Variants in HS6ST1 observed in about 807,000 individuals in gnomAD.
HS6ST1 encodes the protein heparan-sulfate 6-O-sulfotransferase 1.
HS6ST1 carries 3 observed loss-of-function variants against 25.2 expected under a neutral mutation model. The ratio of observed to expected loss-of-function variants is 0.12; its 90% CI spans 0.05 to 0.31. The LOEUF (loss-of-function observed/expected upper bound fraction) is 0.31, where lower values mean the gene tolerates loss of function less well. Ranked by LOEUF, HS6ST1 falls within the 10% of genes least tolerant of loss-of-function variation. HS6ST1 has a pLI of 1.00. For missense variants in HS6ST1, 310 were observed against 609.6 expected (o/e 0.51, Z 5.18); for synonymous variants, 204 against 275.1 (o/e 0.74, Z 2.56).
intron 1 of HS6ST1, among the ~76,000 whole-genome samples, chr2:128,294,669 GGCGTGTGTGTGTGTGT>G (rs1235589785): frequency 1.4e-3 from 177 of 127,112 alleles, no homozygotes; most frequent in African/African-American, 5.5e-3. Context: ...AAAGAAGGGA[GGCGTGTGTGTGTGTGT>G]GTGTGTGTGT....
chr2:128,280,758 TGAC>T (rs1221439591), intron 1 of HS6ST1, among the ~76,000 whole-genome samples: 1 of 152,058 alleles, frequency 6.6e-6, no homozygotes, highest in East Asian at 1.9e-4. Context: ...AGGGGCCCCA[TGAC>T]ATCAGTGGTC....
rs114377643 is a variant in HS6ST1, at chr2:128,313,894, T to A, written c.527+4143A>T. On this transcript the variant is annotated intron_variant, in intron 1 of 1. Transcript: ENST00000259241. ...CAAGCTAGAGGACCATCTAAAACGA[T>A]CCTGTCACCCAACCATTCGTAAGTT... Among the ~76,000 whole-genome samples, 646 of 149,736 alleles carry A rather than the reference T, an allele frequency of 4.3e-3. 5 individuals carry two copies. The highest frequency in any genetic ancestry group is 0.015 in the African/African-American group (611 of 40,316).
At chr2:128,282,999 T>C (rs1293534766) in intron 1 of HS6ST1, among the ~76,000 whole-genome samples, 1 of 152,156 alleles carries the variant, frequency 6.6e-6, no homozygotes, top group African/African-American at 2.4e-5. Context: ...GGGGCTGTCA[T>C]CTCCACTTTG....
chr2:128,272,979 A>G (rs1239055188), intron 1 of HS6ST1, among the ~76,000 whole-genome samples: 2 of 152,150 alleles, frequency 1.3e-5, no homozygotes, highest in African/African-American at 4.8e-5. Context: ...AGCCAGCGAA[A>G]GCCCTCATGG....
chr2:128,282,230 A>C (rs1404563929), intron 1 of HS6ST1, among the ~76,000 whole-genome samples: 1 of 152,258 alleles, frequency 6.6e-6, no homozygotes, highest in Admixed American at 6.5e-5. Context: ...AGTGGTCTGC[A>C]TAAAGAAAAA....
Position 128,318,046 on chromosome 2 carries a change from C to G in HS6ST1, c.518G>C (p.Arg173Pro), listed in dbSNP as rs751946612. Residue 173 changes from arginine (R) to proline (P), a missense_variant, in exon 1 of 2, where the codon CGC (arginine) becomes CCC (proline). Physicochemically the swap from Arg to Pro is moderately radical, Grantham distance 103. Transcript: ENST00000259241. The surrounding 1 kb of genome is among the most constrained non-coding windows in gnomAD (Gnocchi z 5.7). The part of the protein sequence containing the change: ...VLDRRDSAAL[R>P]TPRKFYYITL... Reference sequence around the variant, plus strand: ...CCGCCCGGGCGCTCACCTGGGCGTGCGCAGCGCGGCGGAGTCGCGGCGGTC... The same window carrying G: ...CCGCCCGGGCGCTCACCTGGGCGTGGGCAGCGCGGCGGAGTCGCGGCGGTC... 1 of 1,513,362 alleles carries G rather than the reference C, an allele frequency of 6.6e-7. No homozygotes were observed. The highest frequency in any genetic ancestry group is 1.4e-5 in the African/African-American group (1 of 70,062). The allele number at this position is 1,513,362 out of a possible 1,614,324, so 93.7% of individuals were successfully genotyped here. A position where few individuals can be genotyped will look rare whatever the true frequency, so the allele number is the denominator to read the frequency against.
intron 1 of HS6ST1, chr2:128,290,158 T>C (rs1282562030): frequency 6.6e-6 from 1 of 151,922 alleles, no homozygotes; most frequent in Non-Finnish European, 1.5e-5. Flanking sequence ...CGGTGAAAGG[T>C]ATGAGGTTCA....
chr2:128,309,022 T>C (rs1284275047), intron 1 of HS6ST1, among the ~76,000 whole-genome samples: 1 of 152,206 alleles, frequency 6.6e-6, no homozygotes, highest in Admixed American at 6.5e-5. Flanking sequence ...ATTTTACAGA[T>C]GGGGAACCTG....
At chr2:128,313,612 C>T (rs1336186181) in intron 1 of HS6ST1, among the ~76,000 whole-genome samples, 7 of 152,298 alleles carry the variant, frequency 4.6e-5, no homozygotes, top group African/African-American at 1.7e-4. Context: ...GACCAGGCCC[C>T]TTCTCCTCCT....
In HS6ST1 at chr2:128,268,723, G is replaced by A. The variant is rs199688175; in HGVS notation, c.675C>T (p.Tyr225=). Residue 225 remains tyrosine, a synonymous_variant, in exon 2 of 2, where the codon TAC becomes TAT. Coordinates refer to ENST00000259241, the MANE Select transcript of HS6ST1 (RefSeq NM_004807.3). ...TGCAGCCCGACCAGTCCGTGCCCTCGTAGCAGGGCGGCAGCTCCTCAGGCG... is the reference window on the plus strand; with the variant it reads ...TGCAGCCCGACCAGTCCGTGCCCTCATAGCAGGGCGGCAGCTCCTCAGGCG... ...TPTPEELPPC[Y]EGTDWSGCTL... is the part of the protein sequence containing the mutation. 3.0e-4 allele frequency: 479 copies of A among 1,612,496 alleles called. 4 individuals are homozygous for A. The East Asian group carries it at 5.1e-3, about 17-fold the overall frequency.
rs375780378 is a variant in HS6ST1, at chr2:128,266,049, G to A, written c.*2113C>T. 13 of 151,630 alleles carry A rather than the reference G, an allele frequency of 8.6e-5. No individual in the cohort carries two copies. The highest frequency in any genetic ancestry group is 3.4e-3 in the Middle Eastern group (1 of 294). The allele number at this position is 151,630 out of a possible 1,614,324, so 9.4% of individuals were successfully genotyped here. A position where few individuals can be genotyped will look rare whatever the true frequency, so the allele number is the denominator to read the frequency against. ...AGACTGAGACAAGACCCGTGCTTCCGTGTGAGTTGGGATGCGGGGCATAAG... is the reference window on the plus strand; with the variant it reads ...AGACTGAGACAAGACCCGTGCTTCCATGTGAGTTGGGATGCGGGGCATAAG... On this transcript the variant is annotated 3_prime_UTR_variant, in exon 2 of 2. Coordinates refer to ENST00000259241, the MANE Select transcript of HS6ST1 (RefSeq NM_004807.3).
intron 1 of HS6ST1, among the ~76,000 whole-genome samples, chr2:128,282,076 G>A (rs751054327): frequency 2.0e-5 from 3 of 152,228 alleles, no homozygotes; most frequent in Admixed American, 6.5e-5. Flanking sequence ...GTCCCCAGAG[G>A]CTAGGCAGAT....
chr2:128,295,536 T>G (rs1029304177), intron 1 of HS6ST1, among the ~76,000 whole-genome samples: 4 of 152,256 alleles, frequency 2.6e-5, no homozygotes, highest in African/African-American at 9.6e-5. Context: ...GAGGTCAGTA[T>G]TATCCTGATA....
At chr2:128,290,495 A>G (rs1185920706) in intron 1 of HS6ST1, among the ~76,000 whole-genome samples, 1 of 152,216 alleles carries the variant, frequency 6.6e-6, no homozygotes. Context: ...CCAATTGAGC[A>G]TATAAAAGAT....
chr2:128,309,179 G>A (rs1035144021), intron 1 of HS6ST1, among the ~76,000 whole-genome samples: 11 of 152,234 alleles, frequency 7.2e-5, no homozygotes, highest in Admixed American at 7.2e-4. Context: ...AGCCTCACCT[G>A]CCCTCCTTGT....
chr2:128,272,989 G>A (rs939659182), intron 1 of HS6ST1, among the ~76,000 whole-genome samples: 4 of 152,168 alleles, frequency 2.6e-5, no homozygotes, highest in African/African-American at 7.2e-5. Context: ...AGCCCTCATG[G>A]TCCCTGGAAT....
chr2:128,302,647 C>T (rs972427896), intron 1 of HS6ST1, among the ~76,000 whole-genome samples: 2 of 152,192 alleles, frequency 1.3e-5, no homozygotes, highest in Non-Finnish European at 2.9e-5. Flanking sequence ...CCCCTCCCCT[C>T]ACTCCCTCAA....
chr2:128,302,254 G>C (rs1694142716), intron 1 of HS6ST1, among the ~76,000 whole-genome samples: 1 of 152,162 alleles, frequency 6.6e-6, no homozygotes, highest in Non-Finnish European at 1.5e-5. Context: ...TGCTAAACTG[G>C]GGACCTTGAG....
chr2:128,274,687 G>T (rs1404081603), intron 1 of HS6ST1, among the ~76,000 whole-genome samples: 1 of 152,096 alleles, frequency 6.6e-6, no homozygotes, highest in Admixed American at 6.6e-5. Flanking sequence ...TAGGAAAAAA[G>T]GGGCAAAGGC....
Sources: gnomAD v4.1 joint callset for allele counts (sites outside exome capture counted in the v4.1 genomes callset) on GRCh38, gnomAD v4.1.1 for gene constraint, Gnocchi (gnomAD v3.1) non-coding constraint, MANE v1.5 for transcripts, NCBI Gene and HGNC (gene_info 2026-07-23, HGNC 2026-07-21) for gene names.